ANKRD6: variants seen among roughly 807,000 people sequenced by gnomAD.
The protein encoded by ANKRD6 is ankyrin repeat domain-containing protein 6.
A neutral mutation model predicts 82.3 loss-of-function variants in ANKRD6; 56 were observed. The ratio of observed to expected loss-of-function variants is 0.68; its 90% CI spans 0.55 to 0.85. The LOEUF (loss-of-function observed/expected upper bound fraction) is 0.85, where lower values mean the gene tolerates loss of function less well. ANKRD6 is among the 40% of genes least tolerant of loss of function. The pLI is 0.00. For synonymous variants in ANKRD6, 347 were observed against 352.1 expected, an observed-to-expected ratio of 0.99 and a Z score of 0.16; for missense variants, 852 against 907.6, an observed-to-expected ratio of 0.94 and a Z score of 0.79.
In ANKRD6 at chr6:89,567,676, G is replaced by A. The variant is rs370439655; in HGVS notation, c.120+580G>A. 4.6e-5 allele frequency among the ~76,000 whole-genome samples: 7 copies of A among 152,356 alleles called. No homozygotes were observed. In the South Asian group the frequency reaches 8.3e-4, roughly 18 times the overall value. ...TTGTAGCAAAGCCAAGAAAAGGCAG[G>A]CTCCGCGCAGCTAGAGGGAGAGTTT... On this transcript the variant is annotated intron_variant, in intron 2 of 15. Transcript: ENST00000339746.
At chr6:89,551,796 T>C (rs962615998) in intron 1 of ANKRD6, among the ~76,000 whole-genome samples, 11 of 152,208 alleles carry the variant, frequency 7.2e-5, no homozygotes, top group Non-Finnish European at 1.5e-4. Context: ...GTAGAAATAA[T>C]TTGCCTATGA....
At chr6:89,472,919 A>G (rs1431495649) in intron 1 of ANKRD6, among the ~76,000 whole-genome samples, 3 of 152,148 alleles carry the variant, frequency 2.0e-5, no homozygotes, top group African/African-American at 7.2e-5. Context: ...CTGTGTTTTC[A>G]TGGTGGACTA....
rs540511930 is a variant in ANKRD6 at position 89,536,838 on chromosome 6, G to A, written c.-143-29996G>A. Among the ~76,000 whole-genome samples, 15 of 152,312 alleles carry A rather than the reference G, an allele frequency of 9.8e-5. No individual in the cohort carries two copies. In the South Asian group the frequency reaches 3.1e-3, roughly 32 times the overall value. On this transcript the variant is annotated intron_variant, in intron 1 of 15. Transcript: ENST00000339746. Reference sequence around the variant, plus strand: ...TTTACCTTCATGTACTCATCTGGAAGTGATTATGAGGGGTACAAAGAGACA... The same window carrying A: ...TTTACCTTCATGTACTCATCTGGAAATGATTATGAGGGGTACAAAGAGACA...
intron 6 of ANKRD6, 54 bp from the exon 7 acceptor site, chr6:89,613,734 TTCTC>T: frequency 6.7e-7 from 1 of 1,487,290 alleles, no homozygotes; most frequent in Admixed American, 1.8e-5. Context: ...CTTTCTACTT[TTCTC>T]TATTTGTTTT....
At chr6:89,567,476 T>C (rs759066005) in intron 2 of ANKRD6, among the ~76,000 whole-genome samples, 1 of 152,148 alleles carries the variant, frequency 6.6e-6, no homozygotes, top group Non-Finnish European at 1.5e-5. Context: ...GTGCAGAGTC[T>C]CATTGTCCCC....
At chr6:89,571,098 C>G (rs1018046584) in intron 2 of ANKRD6, among the ~76,000 whole-genome samples, 7 of 152,142 alleles carry the variant, frequency 4.6e-5, no homozygotes, top group Non-Finnish European at 8.8e-5. Context: ...GTCGCCCAGG[C>G]TGGGGTGCAG....
At chr6:89,611,210 C>A (rs1006973356) in intron 5 of ANKRD6, among the ~76,000 whole-genome samples, 1 of 150,626 alleles carries the variant, frequency 6.6e-6, no homozygotes, top group African/African-American at 2.4e-5. Context: ...TTTAAAAGAT[C>A]AGGAATCTGA....
chr6:89,461,062 G>A (rs777425716), intron 1 of ANKRD6, among the ~76,000 whole-genome samples: 13 of 151,942 alleles, frequency 8.6e-5, no homozygotes, highest in Non-Finnish European at 1.6e-4. Flanking sequence ...CATCATGCCC[G>A]GCTAATGTTT....
At chr6:89,462,243 AATAAT>A (rs1562555162) in intron 1 of ANKRD6, among the ~76,000 whole-genome samples, 15 of 147,692 alleles carry the variant, frequency 1.0e-4, no homozygotes, top group Admixed American at 3.4e-4. Flanking sequence ...AAATAATAAT[AATAAT>A]AATAATAATA....
chr6:89,459,352 A>G (rs1248763792), intron 1 of ANKRD6, among the ~76,000 whole-genome samples: 1 of 152,210 alleles, frequency 6.6e-6, no homozygotes, highest in East Asian at 1.9e-4. Context: ...TGTTGGGATT[A>G]CAGGCATGAG....
intron 1 of ANKRD6, among the ~76,000 whole-genome samples, chr6:89,492,881 G>A (rs144637883): frequency 2.0e-3 from 311 of 152,236 alleles, no homozygotes; most frequent in South Asian, 0.013. Context: ...AGAAATAGCC[G>A]GTGAAAGTCT....
In ANKRD6 at chr6:89,499,221, G is replaced by A. The variant is rs181435338; in HGVS notation, c.-144+65846G>A. 2.3e-3 allele frequency among the ~76,000 whole-genome samples: 355 copies of A among 152,292 alleles called. 2 individuals carry two copies. Among genetic ancestry groups the A allele is most frequent in the African/African-American group, 8.3e-3 (344 of 41,552 alleles). On this transcript the variant is annotated intron_variant, in intron 1 of 15. Coordinates refer to ENST00000339746, the MANE Select transcript of ANKRD6 (RefSeq NM_001242809.2). The stretch of plus-strand genomic sequence containing the variant: ...TAAGGATAAAAGCCATCACATTAAG[G>A]CTGGCAAAATTTAGAAATAAAAGGA...
At chr6:89,534,999 G>A (rs1383671059) in intron 1 of ANKRD6, among the ~76,000 whole-genome samples, 1 of 152,176 alleles carries the variant, frequency 6.6e-6, no homozygotes, top group East Asian at 1.9e-4. Flanking sequence ...AACCTCTGCA[G>A]AAACCTGGCA....
intron 1 of ANKRD6, among the ~76,000 whole-genome samples, chr6:89,467,912 A>G (rs1275384855): frequency 1.3e-5 from 2 of 152,206 alleles, no homozygotes; most frequent in Non-Finnish European, 2.9e-5. Context: ...CTTAGAGTAT[A>G]TTTTGAAACT....
chr6:89,437,351 C>A (rs1367126250), intron 1 of ANKRD6, among the ~76,000 whole-genome samples: 10 of 152,184 alleles, frequency 6.6e-5, no homozygotes, highest in Admixed American at 6.5e-4. Context: ...CCCAGCTATT[C>A]ATCTGGATCC....
intron 5 of ANKRD6, among the ~76,000 whole-genome samples, chr6:89,607,653 G>T (rs1235314378): frequency 1.6e-5 from 2 of 121,432 alleles, no homozygotes; most frequent in Non-Finnish European, 3.3e-5. Flanking sequence ...TGGGAGAAGA[G>T]ACTTTTTTTT....
At chr6:89,457,580 C>A (rs868543732) in intron 1 of ANKRD6, among the ~76,000 whole-genome samples, 13 of 152,182 alleles carry the variant, frequency 8.5e-5, no homozygotes, top group African/African-American at 2.9e-4. Context: ...AATCCAAATA[C>A]ATATATTTAT....
intron 3 of ANKRD6, 192 bp from the exon 4 acceptor site, chr6:89,602,837 C>G (rs1215066088): frequency 1.9e-6 from 1 of 531,336 alleles, no homozygotes; most frequent in Non-Finnish European, 3.4e-6. Flanking sequence ...CAAAATTTCT[C>G]TGCCAGCGTG....
At chr6:89,482,968 A>G (rs1258462652) in intron 1 of ANKRD6, among the ~76,000 whole-genome samples, 1 of 152,202 alleles carries the variant, frequency 6.6e-6, no homozygotes, top group Non-Finnish European at 1.5e-5. Context: ...TGGCACCCAC[A>G]TCACACCATT....
Sources: allele counts gnomAD v4.1 joint callset (sites outside exome capture counted in the v4.1 genomes callset), GRCh38; gene constraint gnomAD v4.1.1; transcripts MANE v1.5; gene names NCBI Gene and HGNC (gene_info 2026-07-23, HGNC 2026-07-21).